Variants in LYAR observed in about 807,000 individuals in gnomAD.
LYAR encodes the protein cell growth-regulating nucleolar protein.
In LYAR, 37 loss-of-function variants were observed where a neutral mutation model predicts 45.2. The observed-to-expected ratio is 0.82, with a 90% CI of 0.63 to 1.08. LYAR has a LOEUF of 1.08. Ranked by LOEUF, LYAR falls within the 50% of genes least tolerant of loss-of-function variation. LYAR has a pLI of 0.00. For synonymous variants in LYAR, 176 were observed against 155.1 expected (o/e 1.14, Z -1.00); for missense variants, 493 against 451.0 (o/e 1.09, Z -0.84).
chr4:4,275,560 T>A lies in LYAR; in HGVS notation c.430-791A>T, dbSNP rs556538735. The stretch of plus-strand genomic sequence containing the variant: ...CCCAGACTCAGGCAACACGCCTGCC[T>A]CAGACTCCCAAGTAGCTGGGACCAC... On this transcript the variant is annotated intron_variant, in intron 6 of 9. Transcript: ENST00000343470. Among the ~76,000 whole-genome samples, 21 of 152,116 alleles carry A rather than the reference T, an allele frequency of 1.4e-4. No homozygotes were observed. In the South Asian group the frequency reaches 4.4e-3, roughly 32 times the overall value.
chr4:4,270,109 AG>A (rs906812628), intron 8 of LYAR, among the ~76,000 whole-genome samples: 9 of 152,090 alleles, frequency 5.9e-5, no homozygotes, highest in Middle Eastern at 3.4e-3. Context: ...CTAACTACCC[AG>A]GAAGATTGCT....
rs777414358 is a variant in LYAR, at chr4:4,279,506, C to G, written c.370G>C (p.Val124Leu). The G allele has an allele frequency of 1.9e-6, 3 of 1,612,512 alleles. No homozygotes were observed. Among genetic ancestry groups the G allele is most frequent in the Non-Finnish European group, 2.5e-6 (3 of 1,178,628 alleles). The change falls in exon 6 of 10, where the codon GTT becomes CTT. Residue 124 changes from valine (V) to leucine (L), a missense_variant. Coordinates refer to ENST00000343470, the MANE Select transcript of LYAR (RefSeq NM_017816.3). Reference sequence around the variant, plus strand: ...TGGTCCAGAATGGATTCATTATGAACTTTTAAACTGTTCTTCATCCAATTC... The same window carrying G: ...TGGTCCAGAATGGATTCATTATGAAGTTTTAAACTGTTCTTCATCCAATTC... ...FQNWMKNSLK[V>L]HNESILDQVW...
In LYAR at chr4:4,268,633, A is replaced by C; in HGVS notation, c.920-18T>G. The C allele has an allele frequency of 6.7e-7, 1 of 1,484,014 alleles. No individual in the cohort carries two copies. The allele number at this position is 1,484,014 out of a possible 1,614,324, so 91.9% of individuals were successfully genotyped here. On this transcript the variant is annotated intron_variant, in intron 8 of 9. Coordinates refer to ENST00000343470, the MANE Select transcript of LYAR (RefSeq NM_017816.3). ...GAATTTACCTACAATATAAATAATAATATTTAAGACATTTCGTTTTGTTGT... is the reference window on the plus strand; with the variant it reads ...GAATTTACCTACAATATAAATAATACTATTTAAGACATTTCGTTTTGTTGT...
rs1312771645 is a variant in LYAR, at chr4:4,288,536, A to C, written c.-108+1500T>G. On this transcript the variant is annotated intron_variant, in intron 1 of 9. Coordinates refer to ENST00000343470, the MANE Select transcript of LYAR (RefSeq NM_017816.3). ...AGTCTCATTCTGTTGCCCAGGCTGG[A>C]GTACAATGGCGCAATCTCGGCTCAC... Among the ~76,000 whole-genome samples, 17 of 133,504 alleles carry C rather than the reference A, an allele frequency of 1.3e-4. No individual in the cohort carries two copies. The Admixed American group carries it at 1.5e-3, about 12-fold the overall frequency. 87.6% of individuals were successfully genotyped at this position (133,504 alleles called of 152,430 possible). A position where few individuals can be genotyped will look rare whatever the true frequency, so the allele number is the denominator to read the frequency against.
intron 2 of LYAR, among the ~76,000 whole-genome samples, chr4:4,285,603 G>A (rs1183403624): frequency 1.3e-5 from 2 of 152,238 alleles, no homozygotes; most frequent in African/African-American, 2.4e-5. Context: ...CAGGCACAAG[G>A]TGAAAGCAGC....
At chr4:4,277,238 G>T (rs1237211929) in intron 6 of LYAR, among the ~76,000 whole-genome samples, 1 of 151,998 alleles carries the variant, frequency 6.6e-6, no homozygotes, top group South Asian at 2.1e-4. Flanking sequence ...GTAAAGACAG[G>T]GTTTCACCAT....
chr4:4,287,055 G>A (rs1012961354), intron 1 of LYAR, among the ~76,000 whole-genome samples: 3 of 152,162 alleles, frequency 2.0e-5, no homozygotes, highest in African/African-American at 7.2e-5. Flanking sequence ...CCAGTCTGCC[G>A]GGCTCAGATG....
chr4:4,275,877 G>A (rs1166652602), intron 6 of LYAR, among the ~76,000 whole-genome samples: 1 of 152,106 alleles, frequency 6.6e-6, no homozygotes, highest in Non-Finnish European at 1.5e-5. Flanking sequence ...TGTATTTTTA[G>A]TAGAGACAGG....
intron 1 of LYAR, among the ~76,000 whole-genome samples, chr4:4,287,153 C>G (rs1266186535): frequency 6.6e-6 from 1 of 152,202 alleles, no homozygotes; most frequent in Non-Finnish European, 1.5e-5. Flanking sequence ...TTTTCCTTCC[C>G]TGGCTCCCCA....
intron 9 of LYAR, 25 bp downstream of exon 9, chr4:4,268,504 CA>C: frequency 7.0e-7 from 1 of 1,428,160 alleles, no homozygotes; most frequent in South Asian, 1.2e-5. Context: ...AGCTGTTAGA[CA>C]CGTGGGTTTG....
chr4:4,276,396 G>C (rs73795223), intron 6 of LYAR, among the ~76,000 whole-genome samples: 2 of 152,096 alleles, frequency 1.3e-5, no homozygotes, highest in African/African-American at 4.8e-5. Flanking sequence ...CTTAAGGCTC[G>C]ATCCTTGGCT....
chr4:4,273,553 C>A (rs2272741), intron 8 of LYAR, 30 bp downstream of exon 8: 3 of 1,540,658 alleles, frequency 1.9e-6, no homozygotes, highest in Non-Finnish European at 2.7e-6. Context: ...TGTGCCCAGC[C>A]GTGCTCCTCA....
intron 2 of LYAR, among the ~76,000 whole-genome samples, chr4:4,285,099 T>C (rs1394684258): frequency 6.6e-6 from 1 of 152,194 alleles, no homozygotes; most frequent in Non-Finnish European, 1.5e-5. Flanking sequence ...AGCTGGTCTC[T>C]TGTGGAGGCC....
At chr4:4,288,495 T>A (rs935382282) in intron 1 of LYAR, among the ~76,000 whole-genome samples, 1 of 149,618 alleles carries the variant, frequency 6.7e-6, no homozygotes, top group Non-Finnish European at 1.5e-5. Flanking sequence ...TCTTTTTTTT[T>A]TTTTTTTTGA....
At position 4,271,913 on chromosome 4, in the gene LYAR, A is replaced by T. The variant is rs987250146; in HGVS notation, c.919+1670T>A. 8.3e-4 allele frequency among the ~76,000 whole-genome samples: 126 copies of T among 152,338 alleles called. 1 individual carries two copies. The highest frequency in any genetic ancestry group is 2.8e-3 in the African/African-American group (118 of 41,578). On this transcript the variant is annotated intron_variant, in intron 8 of 9. Coordinates refer to ENST00000343470, the MANE Select transcript of LYAR (RefSeq NM_017816.3). ...GCACGGGATACTCCTCACCAATAAGATGAATATTGGTCAGTTCAGCAACCT... is the reference window on the plus strand; with the variant it reads ...GCACGGGATACTCCTCACCAATAAGTTGAATATTGGTCAGTTCAGCAACCT...
intron 1 of LYAR, among the ~76,000 whole-genome samples, chr4:4,289,287 T>C (rs529292867): frequency 1.3e-5 from 2 of 152,196 alleles, no homozygotes; most frequent in East Asian, 3.9e-4. Flanking sequence ...TTAAACACCA[T>C]CCCTTCACTC....
At position 4,290,056 on chromosome 4, in the gene LYAR, A is replaced by G. The variant is rs1719800180; in HGVS notation, c.-128T>C. 2 of 152,414 alleles carry G rather than the reference A, an allele frequency of 1.3e-5. 1 individual carries two copies. Among genetic ancestry groups the G allele is most frequent in the South Asian group, 4.1e-4 (2 of 4,842 alleles). 9.4% of individuals were successfully genotyped at this position (152,414 alleles called of 1,614,324 possible). On this transcript the variant is annotated 5_prime_UTR_variant, in exon 1 of 10. Coordinates refer to ENST00000343470, the MANE Select transcript of LYAR (RefSeq NM_017816.3). ...CTCACCTCTCAGCCAGCGCCCGCCA[A>G]CGGTTTCAACCGGCCGCGGGGAGCA...
At chr4:4,268,854 CTAGA>C in intron 8 of LYAR, 1 of 409,890 alleles carries the variant, frequency 2.4e-6, no homozygotes, top group Non-Finnish European at 4.3e-6. Context: ...TGACAAACTC[CTAGA>C]TAGAGTTGTA....
intron 6 of LYAR, among the ~76,000 whole-genome samples, chr4:4,278,086 C>T (rs994835019): frequency 2.0e-5 from 3 of 152,146 alleles, no homozygotes; most frequent in Non-Finnish European, 4.4e-5. Flanking sequence ...AATTTCAAAT[C>T]TTTGATTCTT....
Sources: allele counts gnomAD v4.1 joint callset (sites outside exome capture counted in the v4.1 genomes callset), GRCh38; gene constraint gnomAD v4.1.1; transcripts MANE v1.5; gene names NCBI Gene and HGNC (gene_info 2026-07-23, HGNC 2026-07-21).